The following WDR45B variants were observed in gnomAD, a reference collection of about 807,000 sequenced individuals.
The protein encoded by WDR45B is WD repeat domain 45B.
Under a neutral mutation model 44.6 loss-of-function variants are expected in WDR45B, and 20 were observed. That is an observed-to-expected ratio of 0.45 (90% confidence interval 0.32 to 0.65). WDR45B has a LOEUF of 0.65. WDR45B is among the 30% of genes least tolerant of loss of function. The pLI, the probability that WDR45B is intolerant of heterozygous loss-of-function variation, is 0.05. For synonymous variants in WDR45B, 169 were observed against 164.9 expected (o/e 1.02, Z -0.19); for missense variants, 323 against 430.2 (o/e 0.75, Z 2.20).
At chr17:82,623,850 G>A (rs1050987981) in intron 5 of WDR45B, among the ~76,000 whole-genome samples, 5 of 152,078 alleles carry the variant, frequency 3.3e-5, no homozygotes, top group Non-Finnish European at 5.9e-5. Context: ...TCAGAGAAAT[G>A]CAAACCAAAA....
intron 2 of WDR45B, among the ~76,000 whole-genome samples, chr17:82,632,339 A>G (rs576934075): frequency 6.6e-6 from 1 of 151,966 alleles, no homozygotes; most frequent in East Asian, 1.9e-4. Context: ...TTTTTTCAGA[A>G]AAGTTTTTGT....
At position 82,615,934 on chromosome 17, in the gene WDR45B, G is replaced by A. The variant is rs1314605806; in HGVS notation, c.1020C>T (p.Thr340=). ...RDVYAQFLEM[T]DDKL ...CCAGCTGGAGTCACAGCTTGTCATCGGTCATCTCTAGAAACTGCGCGTAGA... is the reference window on the plus strand; with the variant it reads ...CCAGCTGGAGTCACAGCTTGTCATCAGTCATCTCTAGAAACTGCGCGTAGA... Residue 340 remains threonine (T), a synonymous_variant, in exon 10 of 10, where the codon ACC becomes ACT. Transcript: ENST00000392325. 25 of 1,613,412 alleles carry A rather than the reference G, an allele frequency of 1.5e-5. No homozygotes were observed. In the Middle Eastern group the frequency reaches 2.3e-3, roughly 149 times the overall value.
At chr17:82,641,187 G>T (rs559423591) in intron 2 of WDR45B, among the ~76,000 whole-genome samples, 1 of 151,956 alleles carries the variant, frequency 6.6e-6, no homozygotes, top group South Asian at 2.1e-4. Flanking sequence ...GGCTGGTCTC[G>T]AACTCCTGAG....
At chr17:82,647,646 GGGGAGT>G in intron 1 of WDR45B, among the ~76,000 whole-genome samples, 1 of 152,120 alleles carries the variant, frequency 6.6e-6, no homozygotes, top group South Asian at 2.1e-4. Context: ...GAAAAATCCC[GGGGAGT>G]GGGGGTGGGG....
chr17:82,631,102 G>T, intron 2 of WDR45B, 80 bp from the exon 3 acceptor site: 1 of 1,398,384 alleles, frequency 7.2e-7, no homozygotes, highest in Non-Finnish European at 1.0e-6. Context: ...AGAAAGTCAA[G>T]ACAGGTAACG....
At chr17:82,626,140 C>CA (rs1246612783) in intron 4 of WDR45B, among the ~76,000 whole-genome samples, 4 of 151,900 alleles carry the variant, frequency 2.6e-5, no homozygotes, top group Non-Finnish European at 5.9e-5. Context: ...CTCAGCCTCC[C>CA]AAAGTGCTGG....
intron 2 of WDR45B, among the ~76,000 whole-genome samples, chr17:82,642,439 G>A (rs2101365): frequency 0.033 from 5,095 of 152,236 alleles, 287 homozygotes; most frequent in African/African-American, 0.11. Context: ...ACCAGTCCCC[G>A]GTGCCGAAAA....
intron 1 of WDR45B, 51 bp downstream of exon 1, chr17:82,648,223 G>A (rs779621589): frequency 6.4e-7 from 1 of 1,569,368 alleles, no homozygotes; most frequent in South Asian, 1.2e-5. Context: ...CGGGGACCCC[G>A]GGCTGCGGGA....
chr17:82,637,475 TTC>T (rs1427782626), intron 2 of WDR45B, among the ~76,000 whole-genome samples: 1 of 151,940 alleles, frequency 6.6e-6, no homozygotes, highest in Non-Finnish European at 1.5e-5. Context: ...TCTAACTCAG[TTC>T]TGACACCATC....
intron 6 of WDR45B, among the ~76,000 whole-genome samples, chr17:82,621,400 AT>A: frequency 6.6e-6 from 1 of 152,322 alleles, no homozygotes; most frequent in Middle Eastern, 3.4e-3. Context: ...TTTGTAAATA[AT>A]TAGAAATAAA....
At chr17:82,637,314 A>G (rs2045845098) in intron 2 of WDR45B, among the ~76,000 whole-genome samples, 1 of 152,010 alleles carries the variant, frequency 6.6e-6, no homozygotes, top group Non-Finnish European at 1.5e-5. Context: ...ACTAAACATC[A>G]GCTGAGGAAA....
chr17:82,634,465 C>T (rs1040767477), intron 2 of WDR45B, among the ~76,000 whole-genome samples: 38 of 151,770 alleles, frequency 2.5e-4, no homozygotes, highest in African/African-American at 7.3e-5. Context: ...TCCATCCAGC[C>T]TGGGCGACAG....
chr17:82,631,580 C>T (rs923039409), intron 2 of WDR45B, among the ~76,000 whole-genome samples: 20 of 98,154 alleles, frequency 2.0e-4, no homozygotes, highest in African/African-American at 7.0e-4. Context: ...CCACTGTGCC[C>T]GGCCTACAGG....
intron 7 of WDR45B, among the ~76,000 whole-genome samples, 178 bp downstream of exon 7, chr17:82,618,865 T>TA (rs2045574701): frequency 6.6e-6 from 1 of 152,114 alleles, no homozygotes; most frequent in South Asian, 2.1e-4. Context: ...GATAAAAACT[T>TA]AAAGTTAATC....
chr17:82,620,675 T>C (rs992048712), intron 6 of WDR45B, among the ~76,000 whole-genome samples: 1 of 152,158 alleles, frequency 6.6e-6, no homozygotes, highest in Admixed American at 6.5e-5. Context: ...TATAATTTCC[T>C]ACAAAGTAAC....
At position 82,648,024 on chromosome 17, in the gene WDR45B, A is replaced by T. The variant is rs557264317; in HGVS notation, c.67+250T>A. 7.5e-5 allele frequency among the ~76,000 whole-genome samples: 9 copies of T among 120,622 alleles called. No homozygotes were observed. In the South Asian group the frequency reaches 3.4e-3, roughly 45 times the overall value. The allele number at this position is 120,622 out of a possible 152,430, so 79.1% of individuals were successfully genotyped here. ...GGACGGCCGGCTGGGAGCGGTCACA[A>T]CCCGGGGGGTGGGGGAGCGCGAAAG... On this transcript the variant is annotated intron_variant, in intron 1 of 9. Transcript: ENST00000392325.
rs1304892594 is a variant in WDR45B, at chr17:82,647,901, G to A, written c.67+373C>T. Among the ~76,000 whole-genome samples, 4 of 151,490 alleles carry A rather than the reference G, an allele frequency of 2.6e-5. No individual in the cohort carries two copies. The East Asian group carries it at 5.9e-4, about 22-fold the overall frequency. On this transcript the variant is annotated intron_variant, in intron 1 of 9. Transcript: ENST00000392325. ...TCCCGATAACCGTGGAGCCCGCAGG[G>A]AGCCAGGGAACCCGAGTGGGCGTGG...
chr17:82,616,986 T>C (rs980147332), intron 8 of WDR45B, among the ~76,000 whole-genome samples: 2 of 152,034 alleles, frequency 1.3e-5, no homozygotes, highest in Non-Finnish European at 2.9e-5. Flanking sequence ...CCCGGCTAGT[T>C]TTTGTTTTTT....
At chr17:82,633,491 A>G (rs1394009035) in intron 2 of WDR45B, among the ~76,000 whole-genome samples, 1 of 152,214 alleles carries the variant, frequency 6.6e-6, no homozygotes, top group Non-Finnish European at 1.5e-5. Context: ...AACCACAATG[A>G]GATCCCACCA....
Sources: gnomAD v4.1 joint callset for allele counts (sites outside exome capture counted in the v4.1 genomes callset) on GRCh38, gnomAD v4.1.1 for gene constraint, MANE v1.5 for transcripts, NCBI Gene and HGNC (gene_info 2026-07-23, HGNC 2026-07-21) for gene names.